AHCTF1: variants seen among roughly 807,000 people sequenced by gnomAD.
AHCTF1 encodes protein ELYS.
Under a neutral mutation model 248.4 loss-of-function variants are expected in AHCTF1, and 24 were observed. That is an observed-to-expected ratio of 0.10 (90% confidence interval 0.07 to 0.14). The LOEUF is 0.14. Among genes scored for constraint, AHCTF1 ranks in the 10% least tolerant of loss-of-function variants. The pLI is 1.00. For missense variants in AHCTF1, 2,206 were observed against 2,636.2 expected, an observed-to-expected ratio of 0.84 and a Z score of 3.57; for synonymous variants, 786 against 929.8, an observed-to-expected ratio of 0.85 and a Z score of 2.81.
intron 1 of AHCTF1, among the ~76,000 whole-genome samples, chr1:246,918,831 T>C (rs910425949): frequency 8.5e-5 from 13 of 152,252 alleles, no homozygotes; most frequent in Non-Finnish European, 1.0e-4. Flanking sequence ...TTCATCTCAT[T>C]GTCTAACCTC....
At chr1:246,871,052 G>A (rs1484333933) in intron 24 of AHCTF1, among the ~76,000 whole-genome samples, 1 of 152,128 alleles carries the variant, frequency 6.6e-6, no homozygotes, top group Non-Finnish European at 1.5e-5. Flanking sequence ...TGACTTATCT[G>A]TCTCATAAAA....
At chr1:246,896,757 G>C (rs565476823) in intron 12 of AHCTF1, among the ~76,000 whole-genome samples, 4 of 152,274 alleles carry the variant, frequency 2.6e-5, no homozygotes, top group African/African-American at 9.6e-5. Flanking sequence ...GAAAATCACT[G>C]AGTCTGGTTT....
rs138639898 is a variant in AHCTF1, at chr1:246,904,151, T to G, written c.882-118A>C. The stretch of plus-strand genomic sequence containing the variant: ...GTGCATGTGACAAAACTAAAATCAC[T>G]GTGAAAAATTTAGTTTTCGGTAATT... On this transcript the variant is annotated intron_variant, in intron 6 of 35. Transcript: ENST00000648844. 1.0e-3 allele frequency: 768 copies of G among 751,536 alleles called. 6 individuals are homozygous for G. Among genetic ancestry groups the G allele is most frequent in the South Asian group, 2.2e-3 (124 of 57,490 alleles). 46.6% of individuals were successfully genotyped at this position (751,536 alleles called of 1,614,324 possible). A position where few individuals can be genotyped will look rare whatever the true frequency, so the allele number is the denominator to read the frequency against.
At chr1:246,864,137 T>C (rs934562311) in intron 26 of AHCTF1, 21 bp from the exon 27 acceptor site, 114 of 1,607,506 alleles carry the variant, frequency 7.1e-5, no homozygotes, top group Non-Finnish European at 9.1e-5. Context: ...AATGCGCATT[T>C]ATTGAGTTAT....
At chr1:246,903,892 T>C (rs1665196561) in intron 7 of AHCTF1, 57 bp downstream of exon 7, 1 of 1,286,824 alleles carries the variant, frequency 7.8e-7, no homozygotes, top group Non-Finnish European at 1.1e-6. Context: ...AGACAACATA[T>C]TTAAAATAGA....
intron 33 of AHCTF1, among the ~76,000 whole-genome samples, chr1:246,846,762 G>C (rs1350047714): frequency 6.6e-6 from 1 of 151,802 alleles, no homozygotes; most frequent in Non-Finnish European, 1.5e-5. Flanking sequence ...TGGGGGGATG[G>C]GGGTGGGGAG....
At chr1:246,860,423 C>T (rs550921635) in intron 29 of AHCTF1, among the ~76,000 whole-genome samples, 77 of 152,226 alleles carry the variant, frequency 5.1e-4, no homozygotes, top group South Asian at 1.0e-3. Flanking sequence ...AAAAATGTAA[C>T]ACATAAGTTC....
intron 29 of AHCTF1, among the ~76,000 whole-genome samples, chr1:246,858,052 C>A (rs1031625277): frequency 4.0e-5 from 6 of 151,770 alleles, no homozygotes; most frequent in Non-Finnish European, 5.9e-5. Flanking sequence ...CTCTGCCTCC[C>A]AGGTTCACGC....
chr1:246,844,874 A>T (rs1337484644), intron 33 of AHCTF1, among the ~76,000 whole-genome samples: 1 of 151,442 alleles, frequency 6.6e-6, no homozygotes, highest in Non-Finnish European at 1.5e-5. Flanking sequence ...ACAGACGAGC[A>T]CAGTTCAGTT....
chr1:246,899,954 TA>T lies in AHCTF1; in HGVS notation c.1432+110del, dbSNP rs1664877448. ...TTTCCTAAGTTATCCATATGTTAAC[TA>T]ACAGTGAGATACAAACAGATAACAC... On this transcript the variant is annotated intron_variant, in intron 10 of 35. Coordinates refer to ENST00000648844, the MANE Select transcript of AHCTF1 (RefSeq NM_001323342.2). 2.8e-6 allele frequency: 3 copies of T among 1,065,844 alleles called. No individual in the cohort carries two copies. In the South Asian group the frequency reaches 4.9e-5, roughly 17 times the overall value. 66.0% of individuals were successfully genotyped at this position (1,065,844 alleles called of 1,614,324 possible). A position where few individuals can be genotyped will look rare whatever the true frequency, so the allele number is the denominator to read the frequency against.
At chr1:246,927,999 C>CA (rs1558288379) in intron 1 of AHCTF1, among the ~76,000 whole-genome samples, 1 of 151,382 alleles carries the variant, frequency 6.6e-6, no homozygotes, top group Non-Finnish European at 1.5e-5. Context: ...ACTCCGCCAC[C>CA]AAAAAATTAA....
At chr1:246,900,520 A>C (rs1664922148) in intron 8 of AHCTF1, 51 bp from the exon 9 acceptor site, 2 of 1,537,078 alleles carry the variant, frequency 1.3e-6, no homozygotes, top group Middle Eastern at 3.4e-4. Flanking sequence ...CTCAAAGTAA[A>C]ATCACCTCAA....
At chr1:246,906,180 T>G (rs1431382867) in intron 5 of AHCTF1, among the ~76,000 whole-genome samples, 1 of 152,170 alleles carries the variant, frequency 6.6e-6, no homozygotes, top group Non-Finnish European at 1.5e-5. Context: ...TCCCATAAAC[T>G]GCTAAAAAAG....
rs193203753 is a variant in AHCTF1 at position 246,870,232 on chromosome 1, C to T, written c.3089-2421G>A. On this transcript the variant is annotated intron_variant, in intron 24 of 35. Coordinates refer to ENST00000648844, the MANE Select transcript of AHCTF1 (RefSeq NM_001323342.2). ...GCCAAGGTGGGAGGATCACTTGAGG[C>T]CATGAGTTTGAGAATAGCCTGGGCG... is the stretch of plus-strand genomic sequence containing the variant. 1.3e-4 allele frequency among the ~76,000 whole-genome samples: 20 copies of T among 152,176 alleles called. No individual in the cohort carries two copies. The East Asian group carries it at 3.3e-3, about 25-fold the overall frequency.
At chr1:246,863,565 AAAGAACT>A (rs2103071523) in intron 27 of AHCTF1, among the ~76,000 whole-genome samples, 1 of 152,320 alleles carries the variant, frequency 6.6e-6, no homozygotes, top group South Asian at 2.1e-4. Flanking sequence ...CAAATAAACC[AAAGAACT>A]AAATAGCATT....
intron 24 of AHCTF1, among the ~76,000 whole-genome samples, chr1:246,872,002 G>A (rs1470376244): frequency 1.5e-5 from 2 of 136,818 alleles, no homozygotes; most frequent in African/African-American, 5.7e-5. Flanking sequence ...AAAGCCAAAC[G>A]CAAAGGGTAT....
chr1:246,851,487 A>C (rs1660717371), intron 32 of AHCTF1, 45 bp from the exon 33 acceptor site: 1 of 1,515,542 alleles, frequency 6.6e-7, no homozygotes, highest in African/African-American at 1.4e-5. Context: ...ATTTTAATAC[A>C]TGTTTTAACT....
At chr1:246,894,592 A>C in intron 14 of AHCTF1, 67 bp downstream of exon 14, 1 of 1,247,696 alleles carries the variant, frequency 8.0e-7, no homozygotes, top group East Asian at 2.4e-5. Flanking sequence ...TTATGTACTT[A>C]AGACATAAAC....
chr1:246,881,391 A>C (rs1464773149), intron 21 of AHCTF1, among the ~76,000 whole-genome samples: 1 of 152,220 alleles, frequency 6.6e-6, no homozygotes, highest in African/African-American at 2.4e-5. Context: ...TAGGAAAAAA[A>C]ATTATTCAGG....
Sources: gnomAD v4.1 joint callset for allele counts (sites outside exome capture counted in the v4.1 genomes callset) on GRCh38, gnomAD v4.1.1 for gene constraint, MANE v1.5 for transcripts, NCBI Gene and HGNC (gene_info 2026-07-23, HGNC 2026-07-21) for gene names.